CMTM4: variants seen among roughly 807,000 people sequenced by gnomAD.
CMTM4 encodes CKLF-like MARVEL transmembrane domain-containing protein 4.
CMTM4 carries 8 observed loss-of-function variants against 19.0 expected under a neutral mutation model. That is an observed-to-expected ratio of 0.42 (90% CI 0.25 to 0.76). CMTM4 has a LOEUF of 0.76. Among genes scored for constraint, CMTM4 ranks in the 30% least tolerant of loss-of-function variants. CMTM4 has a pLI of 0.27. For synonymous variants in CMTM4, 106 were observed against 121.1 expected, an observed-to-expected ratio of 0.88 and a Z score of 0.82; for missense variants, 228 against 290.2, an observed-to-expected ratio of 0.79 and a Z score of 1.56.
intron 2 of CMTM4, among the ~76,000 whole-genome samples, chr16:66,624,888 G>A (rs1422853129): frequency 6.6e-6 from 1 of 152,272 alleles, no homozygotes; most frequent in Non-Finnish European, 1.5e-5. Flanking sequence ...GCATCTGCCA[G>A]CAGGATGGGT....
intron 1 of CMTM4, among the ~76,000 whole-genome samples, chr16:66,658,260 G>T (rs553824451): frequency 6.8e-6 from 1 of 146,986 alleles, no homozygotes; most frequent in Non-Finnish European, 1.5e-5. Context: ...AAGGAGAGAA[G>T]GAGGGAGGCA....
At chr16:66,689,651 C>T (rs1257045448) in intron 1 of CMTM4, among the ~76,000 whole-genome samples, 1 of 152,198 alleles carries the variant, frequency 6.6e-6, no homozygotes, top group African/African-American at 2.4e-5. Flanking sequence ...AAGCAATCCA[C>T]CTGCCTCGGC....
At chr16:66,669,564 G>C (rs1303303349) in intron 1 of CMTM4, among the ~76,000 whole-genome samples, 1 of 150,714 alleles carries the variant, frequency 6.6e-6, no homozygotes, top group Non-Finnish European at 1.5e-5. Flanking sequence ...TTTTTTTTGA[G>C]ACAGTCTCAC....
At chr16:66,660,907 G>T (rs929925780) in intron 1 of CMTM4, among the ~76,000 whole-genome samples, 1 of 152,062 alleles carries the variant, frequency 6.6e-6, no homozygotes, top group Admixed American at 6.6e-5. Flanking sequence ...TTTACCGCAC[G>T]GTGGGGCCTG....
intron 1 of CMTM4, among the ~76,000 whole-genome samples, chr16:66,657,532 C>T (rs1034544106): frequency 1.2e-4 from 19 of 152,106 alleles, no homozygotes; most frequent in African/African-American, 4.1e-4. Flanking sequence ...TATACATATA[C>T]AGATATATAA....
chr16:66,652,917 AC>A (rs2016336725), intron 1 of CMTM4, among the ~76,000 whole-genome samples: 1 of 152,182 alleles, frequency 6.6e-6, no homozygotes, highest in Non-Finnish European at 1.5e-5. Context: ...AAATTTTCAG[AC>A]CGTTTAAATT....
intron 2 of CMTM4, among the ~76,000 whole-genome samples, chr16:66,633,441 G>A (rs1263536393): frequency 6.6e-6 from 1 of 152,034 alleles, no homozygotes; most frequent in African/African-American, 2.4e-5. Flanking sequence ...CCCTTCTGTA[G>A]CGAGTTGATG....
chr16:66,625,178 T>G (rs1315705175), intron 2 of CMTM4, among the ~76,000 whole-genome samples: 1 of 152,168 alleles, frequency 6.6e-6, no homozygotes, highest in Non-Finnish European at 1.5e-5. Context: ...CTCATGCCTG[T>G]AATCCCAGCA....
intron 1 of CMTM4, among the ~76,000 whole-genome samples, chr16:66,657,400 T>C (rs549429751): frequency 3.9e-5 from 6 of 152,318 alleles, no homozygotes; most frequent in African/African-American, 1.4e-4. Context: ...CCTAATTTCC[T>C]GATTTTGGTA....
At chr16:66,683,172 T>A (rs1026049457) in intron 1 of CMTM4, among the ~76,000 whole-genome samples, 1 of 83,292 alleles carries the variant, frequency 1.2e-5, no homozygotes, top group Non-Finnish European at 2.5e-5. Context: ...TATATATATA[T>A]ATACATATGT....
At position 66,696,428 on chromosome 16, in the gene CMTM4, G is replaced by A. The variant is rs1467085660; in HGVS notation, c.98C>T (p.Pro33Leu). 24 of 1,395,060 alleles carry A rather than the reference G, an allele frequency of 1.7e-5. No homozygotes were observed. Among genetic ancestry groups the A allele is most frequent in the African/African-American group, 4.6e-5 (3 of 65,830 alleles). 86.4% of individuals were successfully genotyped at this position (1,395,060 alleles called of 1,614,324 possible). A position where few individuals can be genotyped will look rare whatever the true frequency, so the allele number is the denominator to read the frequency against. ...ASSPYQPTTE[P>L]VSQRRGLAGL... ...GGCCAGCCCGCGGCGCTGGCTCACCGGCTCGGTGGTGGGCTGGTACGGGCT... is the reference window on the plus strand; with the variant it reads ...GGCCAGCCCGCGGCGCTGGCTCACCAGCTCGGTGGTGGGCTGGTACGGGCT... Residue 33 changes from proline (P) to leucine (L), a missense_variant, in exon 1 of 4, where the codon CCG becomes CTG. Transcript: ENST00000394106. The surrounding 1 kb of genome is among the most constrained non-coding windows in gnomAD (Gnocchi z 4.3).
At chr16:66,605,198 G>T in the CMTM4 span, 1 of 381,134 alleles carries the variant, frequency 2.6e-6, no homozygotes, top group Non-Finnish European at 4.7e-6. The surrounding 1 kb of genome is among the most constrained non-coding windows in gnomAD (Gnocchi z 4.6). Flanking sequence ...AGAGCTGGGG[G>T]CCGTGGGAAG....
At position 66,619,423 on chromosome 16, in the gene CMTM4, C is replaced by T. The variant is rs1050109300; in HGVS notation, c.*2635G>A. On this transcript the variant is annotated 3_prime_UTR_variant, in exon 4 of 4. Transcript: ENST00000394106. Reference sequence around the variant, plus strand: ...TTGCTTTAAATGTGAAAACCAATATCGTCCCACCAGAACACTGAGAAAAAC... The same window carrying T: ...TTGCTTTAAATGTGAAAACCAATATTGTCCCACCAGAACACTGAGAAAAAC... The T allele has an allele frequency of 3.0e-6, 3 of 985,434 alleles. No individual in the cohort carries two copies. The highest frequency in any genetic ancestry group is 3.6e-6 in the Non-Finnish European group (3 of 829,948). The allele number at this position is 985,434 out of a possible 1,614,324, so 61.0% of individuals were successfully genotyped here.
At chr16:66,675,697 C>T (rs2016798147) in intron 1 of CMTM4, among the ~76,000 whole-genome samples, 1 of 152,042 alleles carries the variant, frequency 6.6e-6, no homozygotes, top group Admixed American at 6.6e-5. Flanking sequence ...TGCACAGTGA[C>T]TCCTCAGCCA....
intron 1 of CMTM4, among the ~76,000 whole-genome samples, chr16:66,690,131 T>C (rs2017108482): frequency 6.6e-6 from 1 of 152,194 alleles, no homozygotes; most frequent in Non-Finnish European, 1.5e-5. Flanking sequence ...ATGGGACTGT[T>C]TTACAAGGAG....
In CMTM4 at chr16:66,623,457, A is replaced by T. The variant is rs1361423102; in HGVS notation, c.409T>A (p.Ser137Thr). The change falls in exon 3 of 4, where the codon TCA (serine) becomes ACA (threonine). Residue 137 changes from serine (S) to threonine (T), a missense_variant. Around this residue, in one of 3 missense-constraint regions of CMTM4, gnomAD observed 200 missense variants for 226.6 expected, o/e 0.88. Coordinates refer to ENST00000394106, the MANE Select transcript of CMTM4 (RefSeq NM_181521.3). ...TGGTTTAAAGCAGCCAGTACGATTG[A>T]AGCAATAAAGAAAAGGAAAGCGCTG... ...GLSAFLFFIASIVLAALNHRA... is the reference protein window; with the variant it reads ...GLSAFLFFIATIVLAALNHRA... 3.1e-6 allele frequency: 5 copies of T among 1,613,934 alleles called. No homozygotes were observed. Among genetic ancestry groups the T allele is most frequent in the Non-Finnish European group, 4.2e-6 (5 of 1,179,992 alleles).
chr16:66,694,069 A>C (rs1357782254), intron 1 of CMTM4, among the ~76,000 whole-genome samples: 1 of 151,944 alleles, frequency 6.6e-6, no homozygotes, highest in East Asian at 1.9e-4. Context: ...AGAGGGAGAG[A>C]GCGCGAGGGA....
the CMTM4 span, among the ~76,000 whole-genome samples, chr16:66,602,212 C>G: frequency 6.6e-6 from 1 of 152,196 alleles, no homozygotes; most frequent in Non-Finnish European, 1.5e-5. Flanking sequence ...GCCTGGCCAA[C>G]ATGGCAAAAC....
intron 1 of CMTM4, among the ~76,000 whole-genome samples, chr16:66,680,465 T>C (rs1419093300): frequency 1.2e-3 from 104 of 84,362 alleles, no homozygotes; most frequent in Middle Eastern, 0.012. Flanking sequence ...GGTGACAGAG[T>C]GAGACTCCAT....
Sources: allele counts gnomAD v4.1 joint callset (sites outside exome capture counted in the v4.1 genomes callset), GRCh38; gene constraint gnomAD v4.1.1; regional missense constraint gnomAD v4.1.1; non-coding constraint Gnocchi (gnomAD v3.1); transcripts MANE v1.5; gene names NCBI Gene and HGNC (gene_info 2026-07-23, HGNC 2026-07-21).